Variants in FHIT observed in about 807,000 individuals in gnomAD.
FHIT encodes fragile histidine triad diadenosine triphosphatase.
In FHIT, 19 loss-of-function variants were observed where a neutral mutation model predicts 17.9. The ratio of observed to expected loss-of-function variants is 1.06; its 90% CI spans 0.74 to 1.56. FHIT has a LOEUF of 1.56. FHIT is among the 40% of genes most tolerant of loss of function. The pLI is 0.00. For missense variants in FHIT, 248 were observed against 189.2 expected, an observed-to-expected ratio of 1.31 and a Z score of -1.82; for synonymous variants, 81 against 69.7, an observed-to-expected ratio of 1.16 and a Z score of -0.81.
At chr3:60,405,036 A>G (rs1701800303) in intron 5 of FHIT, among the ~76,000 whole-genome samples, 1 of 152,148 alleles carries the variant, frequency 6.6e-6, no homozygotes. Flanking sequence ...TTTGTCCTCC[A>G]CTCCCATCCC....
chr3:60,381,125 G>T (rs762421949), intron 5 of FHIT, among the ~76,000 whole-genome samples: 1 of 152,024 alleles, frequency 6.6e-6, no homozygotes, highest in African/African-American at 2.4e-5. Flanking sequence ...GTATTCCCGC[G>T]ATTAGCCCCA....
intron 3 of FHIT, among the ~76,000 whole-genome samples, chr3:60,858,910 T>C (rs1431487968): frequency 6.6e-6 from 1 of 152,124 alleles, no homozygotes; most frequent in African/African-American, 2.4e-5. Context: ...AACAGGATGA[T>C]TTAAAAAGCA....
intron 5 of FHIT, among the ~76,000 whole-genome samples, chr3:60,491,125 C>T (rs1384368610): frequency 6.6e-6 from 1 of 152,036 alleles, no homozygotes; most frequent in Non-Finnish European, 1.5e-5. Context: ...GTTAAAAGAC[C>T]TATTAAATAA....
intron 3 of FHIT, among the ~76,000 whole-genome samples, chr3:60,851,695 A>G: frequency 6.6e-6 from 1 of 152,154 alleles, no homozygotes; most frequent in East Asian, 1.9e-4. Context: ...ACAGAACTTT[A>G]TCATGTCACA....
chr3:61,221,784 C>T (rs1289491683), intron 1 of FHIT, among the ~76,000 whole-genome samples: 1 of 152,220 alleles, frequency 6.6e-6, no homozygotes, highest in Non-Finnish European at 1.5e-5. Flanking sequence ...AGAATACCAG[C>T]TCCCCATTTG....
At chr3:61,246,290 C>G (rs751279015) in intron 1 of FHIT, among the ~76,000 whole-genome samples, 1 of 152,168 alleles carries the variant, frequency 6.6e-6, no homozygotes, top group Non-Finnish European at 1.5e-5. Flanking sequence ...CTTGCTTTCA[C>G]TTTACTCTGT....
rs545945821 is a variant in FHIT at position 59,788,881 on chromosome 3, G to GTTTTTTTTTTGTTTTGTTT, written c.349-36561_349-36560insAAACAAAACAAAAAAAAAA. On this transcript the variant is annotated intron_variant, in intron 8 of 9. Transcript: ENST00000492590. ...ACCACGTTCTTTGCTGAGTTCATAT[G>GTTTTTTTTTTGTTTTGTTT]TTTTTTTTTTTTACCCCATCTCCAA... 4.4e-4 allele frequency among the ~76,000 whole-genome samples: 38 copies of GTTTTTTTTTTGTTTTGTTT among 86,840 alleles called. 1 individual carries two copies. The highest frequency in any genetic ancestry group is 1.6e-3 in the African/African-American group (34 of 21,860). 57.0% of individuals were successfully genotyped at this position (86,840 alleles called of 152,430 possible). A position where few individuals can be genotyped will look rare whatever the true frequency, so the allele number is the denominator to read the frequency against.
In FHIT at chr3:59,962,814, A is replaced by G. The variant is rs866655179; in HGVS notation, c.280-40400T>C. On this transcript the variant is annotated intron_variant, in intron 7 of 9. Coordinates refer to ENST00000492590, the MANE Select transcript of FHIT (RefSeq NM_002012.4). ...AAGAACACAAACATAATCTGTGGGA[A>G]TAAGAATCACAATAAATGAAATAAT... Among the ~76,000 whole-genome samples, 14 of 152,356 alleles carry G rather than the reference A, an allele frequency of 9.2e-5. 1 individual carries two copies. The highest frequency in any genetic ancestry group is 6.8e-3 in the Middle Eastern group (2 of 294).
chr3:60,730,200 T>C, intron 4 of FHIT: 1 of 350,240 alleles, frequency 2.9e-6, no homozygotes, highest in South Asian at 2.7e-5. Flanking sequence ...TCTCCCAGAT[T>C]TTCGTGTATT....
At chr3:60,947,306 C>T (rs1216495893) in intron 3 of FHIT, among the ~76,000 whole-genome samples, 5 of 152,048 alleles carry the variant, frequency 3.3e-5, no homozygotes, top group Admixed American at 1.3e-4. Flanking sequence ...AAAATATCAC[C>T]ATCATGTAAG....
chr3:61,016,575 A>C (rs961263858), intron 3 of FHIT, among the ~76,000 whole-genome samples: 1 of 152,232 alleles, frequency 6.6e-6, no homozygotes, highest in Non-Finnish European at 1.5e-5. Context: ...GCCTGCAGCT[A>C]TCCGGGTACA....
intron 5 of FHIT, among the ~76,000 whole-genome samples, chr3:60,114,001 CCAAAAAAA>C (rs1704810058): frequency 5.6e-5 from 1 of 17,918 alleles, no homozygotes; most frequent in African/African-American, 4.6e-4. Context: ...GACCCCGTCT[CCAAAAAAA>C]AAAAAAAAAA....
At chr3:60,258,007 A>G (rs1326113249) in intron 5 of FHIT, among the ~76,000 whole-genome samples, 1 of 151,724 alleles carries the variant, frequency 6.6e-6, no homozygotes, top group Non-Finnish European at 1.5e-5. Flanking sequence ...ATGTTTACCT[A>G]TGTAACAAAC....
chr3:61,070,211 T>C (rs998432860), intron 2 of FHIT, among the ~76,000 whole-genome samples: 1 of 152,136 alleles, frequency 6.6e-6, no homozygotes. Flanking sequence ...ACCATTTTGA[T>C]TGGCATGGTA....
At chr3:59,957,466 A>G (rs1707460977) in intron 7 of FHIT, among the ~76,000 whole-genome samples, 1 of 152,236 alleles carries the variant, frequency 6.6e-6, no homozygotes, top group Non-Finnish European at 1.5e-5. Flanking sequence ...AATCTGTAGC[A>G]TTTTTGTTAT....
chr3:60,566,889 A>G (rs918587036), intron 4 of FHIT, among the ~76,000 whole-genome samples: 21 of 146,542 alleles, frequency 1.4e-4, no homozygotes, highest in African/African-American at 5.1e-4. Flanking sequence ...ATACCTAGGA[A>G]TCCAACTTAC....
chr3:60,883,182 A>G (rs559412539), intron 3 of FHIT, among the ~76,000 whole-genome samples: 1 of 152,244 alleles, frequency 6.6e-6, no homozygotes, highest in African/African-American at 2.4e-5. Flanking sequence ...GATCTCTACA[A>G]TTAAATGACA....
intron 5 of FHIT, among the ~76,000 whole-genome samples, chr3:60,203,860 G>A (rs1021651299): frequency 6.6e-6 from 1 of 152,128 alleles, no homozygotes; most frequent in Non-Finnish European, 1.5e-5. Context: ...AACTTCGCAT[G>A]TTCTCACTTA....
intron 2 of FHIT, among the ~76,000 whole-genome samples, chr3:61,195,323 A>G (rs1364635110): frequency 1.3e-5 from 2 of 152,182 alleles, no homozygotes; most frequent in African/African-American, 4.8e-5. Flanking sequence ...TGAATCACCC[A>G]CTAGTGTGAT....
Sources: gnomAD v4.1 joint callset for allele counts (sites outside exome capture counted in the v4.1 genomes callset) on GRCh38, gnomAD v4.1.1 for gene constraint, MANE v1.5 for transcripts, NCBI Gene and HGNC (gene_info 2026-07-23, HGNC 2026-07-21) for gene names.